Variants in EPB41L3 observed in about 807,000 individuals in gnomAD.
EPB41L3 encodes the protein erythrocyte membrane protein band 4.1 like 3, also known as band 4.1-like protein 3.
EPB41L3 carries 57 observed loss-of-function variants against 127.1 expected under a neutral mutation model. The observed-to-expected ratio is 0.45, with a 90% CI of 0.36 to 0.56. EPB41L3 has a LOEUF of 0.56. EPB41L3 is among the 20% of genes least tolerant of loss of function. EPB41L3 has a pLI of 0.00. For missense variants in EPB41L3, 1,273 were observed against 1,372.2 expected (o/e 0.93, Z 1.14); for synonymous variants, 572 against 549.5 (o/e 1.04, Z -0.57).
chr18:5,616,156 G>T (rs776260686), intron 1 of EPB41L3, among the ~76,000 whole-genome samples: 1 of 151,944 alleles, frequency 6.6e-6, no homozygotes, highest in Non-Finnish European at 1.5e-5. Flanking sequence ...CCCAAATTCA[G>T]CTGTTACCCC....
At chr18:5,461,907 A>G (rs1226609728) in intron 3 of EPB41L3, among the ~76,000 whole-genome samples, 1 of 152,160 alleles carries the variant, frequency 6.6e-6, no homozygotes, top group African/African-American at 2.4e-5. Context: ...ACAAGCCACA[A>G]AATGGAAGAG....
chr18:5,427,104 G>C (rs908876490), intron 9 of EPB41L3, among the ~76,000 whole-genome samples: 16 of 152,018 alleles, frequency 1.1e-4, no homozygotes, highest in African/African-American at 3.6e-4. Context: ...TTGGGCCCAG[G>C]TGATTCTCCC....
chr18:5,480,808 GATAA>G (rs1449461638), intron 2 of EPB41L3: 2 of 152,014 alleles, frequency 1.3e-5, no homozygotes, highest in African/African-American at 4.8e-5. Context: ...GACTGCAGAA[GATAA>G]ATAAAGTATA....
At chr18:5,458,728 C>T (rs758896799) in intron 3 of EPB41L3, among the ~76,000 whole-genome samples, 88 of 152,126 alleles carry the variant, frequency 5.8e-4, no homozygotes, top group Admixed American at 1.8e-3. Flanking sequence ...TGTTCTAAAA[C>T]TGAAATTGAT....
chr18:5,618,395 C>A (rs1234805458), intron 1 of EPB41L3, among the ~76,000 whole-genome samples: 2 of 152,154 alleles, frequency 1.3e-5, no homozygotes, highest in Non-Finnish European at 2.9e-5. Flanking sequence ...AACATGCATT[C>A]CTTATGCGGG....
intron 3 of EPB41L3, among the ~76,000 whole-genome samples, chr18:5,574,129 T>C (rs2094312869): frequency 6.6e-6 from 1 of 152,164 alleles, no homozygotes. Context: ...TCACAGCTAA[T>C]ACAAAGTCAA....
At chr18:5,566,787 C>CCAG (rs754498386) in intron 3 of EPB41L3, among the ~76,000 whole-genome samples, 1 of 141,586 alleles carries the variant, frequency 7.1e-6, no homozygotes. Flanking sequence ...CTATTCTATT[C>CCAG]TATTCCATTC....
At chr18:5,485,667 A>G (rs1162506708) in intron 2 of EPB41L3, among the ~76,000 whole-genome samples, 1 of 152,118 alleles carries the variant, frequency 6.6e-6, no homozygotes, top group African/African-American at 2.4e-5. Context: ...ATCAACATAC[A>G]AAAATCAGTA....
intron 1 of EPB41L3, among the ~76,000 whole-genome samples, chr18:5,620,226 A>T (rs1003599104): frequency 7.2e-5 from 11 of 152,222 alleles, no homozygotes; most frequent in African/African-American, 2.4e-4. Flanking sequence ...TGAATAAACT[A>T]TCATCCAGGG....
intron 3 of EPB41L3, among the ~76,000 whole-genome samples, chr18:5,566,174 T>A (rs149260104): frequency 0.012 from 1,795 of 152,290 alleles, 36 homozygotes; most frequent in African/African-American, 0.042. Flanking sequence ...GAAGTCAAAT[T>A]GTCCCTGATT....
intron 5 of EPB41L3, among the ~76,000 whole-genome samples, chr18:5,438,379 A>G (rs1221664128): frequency 6.6e-6 from 1 of 152,230 alleles, no homozygotes; most frequent in Non-Finnish European, 1.5e-5. Flanking sequence ...ATCAAAGGTA[A>G]GCAAGCACTT....
chr18:5,500,745 A>G (rs1223836440), intron 1 of EPB41L3, among the ~76,000 whole-genome samples: 4 of 152,010 alleles, frequency 2.6e-5, no homozygotes, highest in Non-Finnish European at 5.9e-5. Flanking sequence ...TAAACAAATA[A>G]TGAATGAATG....
chr18:5,420,383 ATAT>A (rs1231192839), intron 11 of EPB41L3, among the ~76,000 whole-genome samples: 1 of 152,144 alleles, frequency 6.6e-6, no homozygotes, highest in Admixed American at 6.5e-5. Flanking sequence ...ATTGGTTTTC[ATAT>A]TATTATTATT....
Position 5,416,035 on chromosome 18 carries a change from A to G in EPB41L3, c.1850T>C (p.Leu617Pro). The G allele has an allele frequency of 6.2e-7, 1 of 1,613,954 alleles. No individual in the cohort carries two copies. The highest frequency in any genetic ancestry group is 8.5e-7 in the Non-Finnish European group (1 of 1,179,886). The stretch of plus-strand genomic sequence containing the variant: ...GAGGTAATGCTGCAAGCTCTGGGGC[A>G]GGAGGTTGGTTTCAGAAAGGTTGGG... ...SFPNLSETNLLPQSLQHYLPI... is the reference protein window; with the variant it reads ...SFPNLSETNLPPQSLQHYLPI... Residue 617 changes from leucine to proline, a missense_variant, in exon 13 of 23, where the codon CTG becomes CCG. By Grantham distance (98) the Leu-to-Pro change is moderately conservative. Coordinates refer to ENST00000341928, the MANE Select transcript of EPB41L3 (RefSeq NM_012307.5).
intron 13 of EPB41L3, among the ~76,000 whole-genome samples, chr18:5,411,614 T>C (rs1034502374): frequency 2.2e-5 from 3 of 139,248 alleles, no homozygotes; most frequent in Non-Finnish European, 4.5e-5. Context: ...TCCACAGATA[T>C]CAACTAATCA....
chr18:5,430,882 T>C (rs1219365759), intron 8 of EPB41L3, among the ~76,000 whole-genome samples: 1 of 152,112 alleles, frequency 6.6e-6, no homozygotes, highest in Non-Finnish European at 1.5e-5. Flanking sequence ...TTAAAAGTTA[T>C]GACAACAGGA....
At chr18:5,460,684 A>G (rs1568276703) in intron 3 of EPB41L3, among the ~76,000 whole-genome samples, 1 of 152,238 alleles carries the variant, frequency 6.6e-6, no homozygotes, top group Admixed American at 6.5e-5. Context: ...AGAGAGCTGC[A>G]GTAGAGAGTT....
At chr18:5,591,933 GTCTGAGGGACTT>G (rs1599161336) in intron 3 of EPB41L3, among the ~76,000 whole-genome samples, 2 of 152,076 alleles carry the variant, frequency 1.3e-5, no homozygotes, top group East Asian at 3.9e-4. Context: ...GTCAACTGTT[GTCTGAGGGACTT>G]TCTAGATTTC....
intron 3 of EPB41L3, among the ~76,000 whole-genome samples, chr18:5,462,065 G>C (rs1300696221): frequency 6.6e-6 from 1 of 151,862 alleles, no homozygotes; most frequent in East Asian, 1.9e-4. Context: ...ACACTTAAAG[G>C]GTTTATTTTT....
Sources: allele counts gnomAD v4.1 joint callset (sites outside exome capture counted in the v4.1 genomes callset), GRCh38; gene constraint gnomAD v4.1.1; transcripts MANE v1.5; gene names NCBI Gene and HGNC (gene_info 2026-07-23, HGNC 2026-07-21).